TMEM108: variants seen among roughly 807,000 people sequenced by gnomAD.
The protein encoded by TMEM108 is cancer/testis antigen 124.
TMEM108 carries 12 observed loss-of-function variants against 35.1 expected under a neutral mutation model. The ratio of observed to expected loss-of-function variants is 0.34; its 90% CI spans 0.22 to 0.55. The LOEUF is 0.55. Ranked by LOEUF, TMEM108 falls within the 20% of genes least tolerant of loss-of-function variation. TMEM108 has a pLI of 0.89. For missense variants in TMEM108, 680 were observed against 753.3 expected (o/e 0.90, Z 1.14); for synonymous variants, 287 against 308.6 (o/e 0.93, Z 0.73).
intron 2 of TMEM108, among the ~76,000 whole-genome samples, chr3:133,124,547 G>A (rs1182911636): frequency 6.6e-6 from 1 of 152,166 alleles, no homozygotes; most frequent in Non-Finnish European, 1.5e-5. Context: ...TGCTGTGTGT[G>A]TTCCAGGCCA....
At chr3:133,255,871 C>T (rs1946538832) in intron 3 of TMEM108, among the ~76,000 whole-genome samples, 1 of 152,114 alleles carries the variant, frequency 6.6e-6, no homozygotes, top group Admixed American at 6.5e-5. Flanking sequence ...CGCCTGTCAT[C>T]CCAGCTACTC....
chr3:133,272,596 A>C (rs1156986686), intron 3 of TMEM108, among the ~76,000 whole-genome samples: 1 of 152,086 alleles, frequency 6.6e-6, no homozygotes, highest in Non-Finnish European at 1.5e-5. Context: ...AGGTCCCCCC[A>C]AGGGGCACAC....
At chr3:133,223,657 A>G (rs1356973285) in intron 2 of TMEM108, among the ~76,000 whole-genome samples, 1 of 152,234 alleles carries the variant, frequency 6.6e-6, no homozygotes, top group Non-Finnish European at 1.5e-5. Flanking sequence ...AAGCAGCGCA[A>G]TTGACCCAAG....
intron 3 of TMEM108, among the ~76,000 whole-genome samples, chr3:133,294,189 A>T (rs1309170232): frequency 6.6e-6 from 1 of 152,224 alleles, no homozygotes; most frequent in Non-Finnish European, 1.5e-5. Flanking sequence ...GGCAGAAAAT[A>T]AGTGATAGTG....
At chr3:133,272,272 CGTGTGTGTGTGTGTGTGT>C (rs3078833) in intron 3 of TMEM108, among the ~76,000 whole-genome samples, 2,116 of 137,822 alleles carry the variant, frequency 0.015, 66 homozygotes, top group African/African-American at 0.054. Context: ...CATACACGTA[CGTGTGTGTGTGTGTGTGT>C]GTGTGTGTGT....
chr3:133,074,742 G>C (rs1292918294), intron 2 of TMEM108, among the ~76,000 whole-genome samples: 1 of 152,114 alleles, frequency 6.6e-6, no homozygotes, highest in Non-Finnish European at 1.5e-5. Context: ...ACCTGCCTTG[G>C]CCTCCCAAAG....
At chr3:133,044,433 A>G (rs892730823) in intron 1 of TMEM108, among the ~76,000 whole-genome samples, 1 of 152,228 alleles carries the variant, frequency 6.6e-6, no homozygotes, top group Admixed American at 6.5e-5. Context: ...GAATTTATTT[A>G]TAATCAATTA....
chr3:133,117,096 G>A (rs960982974), intron 2 of TMEM108, among the ~76,000 whole-genome samples: 2 of 152,182 alleles, frequency 1.3e-5, no homozygotes, highest in Non-Finnish European at 2.9e-5. Context: ...AATTCAAACA[G>A]TACACATTTT....
chr3:133,387,204 G>T (rs748126277), intron 4 of TMEM108: 5 of 985,340 alleles, frequency 5.1e-6, no homozygotes, highest in Non-Finnish European at 4.8e-6. Context: ...TCCATTGTGT[G>T]TCAGGCATTG....
intron 2 of TMEM108, among the ~76,000 whole-genome samples, chr3:133,174,421 AC>A (rs1466104057): frequency 2.6e-5 from 4 of 151,988 alleles, no homozygotes; most frequent in Admixed American, 2.6e-4. Flanking sequence ...ACTAGGAGGC[AC>A]CCCCCAGTAG....
intron 2 of TMEM108, among the ~76,000 whole-genome samples, chr3:133,099,320 C>T (rs774328280): frequency 6.6e-6 from 1 of 152,190 alleles, no homozygotes; most frequent in Non-Finnish European, 1.5e-5. Flanking sequence ...GACCCTGGGC[C>T]TGACCCACAA....
intron 2 of TMEM108, among the ~76,000 whole-genome samples, chr3:133,080,166 G>A (rs951236052): frequency 4.6e-5 from 7 of 152,260 alleles, no homozygotes; most frequent in South Asian, 2.1e-4. Context: ...ATGGGGGACC[G>A]TTCAACTGCA....
intron 2 of TMEM108, among the ~76,000 whole-genome samples, chr3:133,061,378 A>G (rs1559819790): frequency 6.6e-6 from 1 of 151,496 alleles, no homozygotes; most frequent in Non-Finnish European, 1.5e-5. Context: ...ACCCAGCTAA[A>G]TTTTTTTTGT....
intron 2 of TMEM108, among the ~76,000 whole-genome samples, chr3:133,067,806 T>C (rs1166757692): frequency 6.6e-6 from 1 of 152,182 alleles, no homozygotes; most frequent in Admixed American, 6.5e-5. Flanking sequence ...GTCTCAGTTT[T>C]GTGCTGCTGT....
chr3:133,291,704 TC>T (rs920071031), intron 3 of TMEM108, among the ~76,000 whole-genome samples: 9 of 152,130 alleles, frequency 5.9e-5, no homozygotes, highest in African/African-American at 2.2e-4. Flanking sequence ...ATGTCCTATG[TC>T]CCTGAACTTG....
chr3:133,332,154 C>A (rs954383978), intron 3 of TMEM108, among the ~76,000 whole-genome samples: 5 of 152,030 alleles, frequency 3.3e-5, no homozygotes, highest in Non-Finnish European at 7.3e-5. Flanking sequence ...AAGGACCTCA[C>A]CCCATTTAGT....
intron 4 of TMEM108, chr3:133,388,593 A>C (rs2073188723): frequency 1.0e-6 from 1 of 985,322 alleles, no homozygotes; most frequent in African/African-American, 1.7e-5. Flanking sequence ...CTATGTTTTA[A>C]AGATTTTTTA....
chr3:133,340,787 A>G (rs959912546), intron 3 of TMEM108, among the ~76,000 whole-genome samples: 1 of 151,898 alleles, frequency 6.6e-6, no homozygotes, highest in Admixed American at 6.6e-5. Flanking sequence ...AATGTAAAAC[A>G]TAATATTAAC....
At chr3:133,373,606 C>T (rs1312387748) in intron 3 of TMEM108, among the ~76,000 whole-genome samples, 1 of 152,064 alleles carries the variant, frequency 6.6e-6, no homozygotes, top group Non-Finnish European at 1.5e-5. Context: ...ATACCAGAGT[C>T]CCAACATCCC....
Sources: gnomAD v4.1 joint callset for allele counts (sites outside exome capture counted in the v4.1 genomes callset) on GRCh38, gnomAD v4.1.1 for gene constraint, MANE v1.5 for transcripts, NCBI Gene and HGNC (gene_info 2026-07-23, HGNC 2026-07-21) for gene names.